Variants in ARHGEF17 observed in about 807,000 individuals in gnomAD.
The protein encoded by ARHGEF17 is 164 kDa Rho-specific guanine-nucleotide exchange factor.
A neutral mutation model predicts 174.0 loss-of-function variants in ARHGEF17; 80 were observed. The ratio of observed to expected loss-of-function variants is 0.46; its 90% confidence interval spans 0.38 to 0.55. The LOEUF is 0.55. ARHGEF17 is among the 20% of genes least tolerant of loss of function. The probability of loss-of-function intolerance (pLI) is 0.00; values close to 1 mark genes in which losing one functional copy is unlikely to be tolerated. For missense variants in ARHGEF17, 2,886 were observed against 2,839.7 expected, an observed-to-expected ratio of 1.02 and a Z score of -0.37; for synonymous variants, 1,311 against 1,189.1, an observed-to-expected ratio of 1.10 and a Z score of -2.11.
chr11:73,309,609 C>G lies in ARHGEF17; in HGVS notation c.971C>G (p.Ser324Cys). 3 of 1,613,056 alleles carry G rather than the reference C, an allele frequency of 1.9e-6. No homozygotes were observed. The East Asian group carries it at 6.7e-5, about 36-fold the overall frequency. Residue 324 changes from serine (S) to cysteine (C), a missense_variant, in exon 1 of 21, where the codon TCT becomes TGT. Around this residue, in one of 4 missense-constraint regions of ARHGEF17, gnomAD observed 1,728 missense variants for 1,461.2 expected, o/e 1.18. Transcript: ENST00000263674. ...AGCAGCATGAACTCAGCAGGGGTTT[C>G]TGGGAGCCCTGAGCCCCCAACATCT... ...NLSSMNSAGV[S>C]GSPEPPTSPR...
intron 1 of ARHGEF17, chr11:73,343,090 C>T (rs921826035): frequency 3.3e-6 from 1 of 299,032 alleles, no homozygotes; most frequent in South Asian, 1.6e-4. Context: ...CTGACCCCCG[C>T]CCCCCGCCCC....
chr11:73,345,206 G>C (rs1460496911), intron 1 of ARHGEF17, among the ~76,000 whole-genome samples: 1 of 152,136 alleles, frequency 6.6e-6, no homozygotes, highest in Non-Finnish European at 1.5e-5. Context: ...AGAGTACCGA[G>C]GATAGATGGT....
chr11:73,329,373 A>ATATATTTTTTTTTTT (rs1565193840), intron 1 of ARHGEF17, among the ~76,000 whole-genome samples: 1 of 13,170 alleles, frequency 7.6e-5, no homozygotes, highest in Non-Finnish European at 1.2e-4. Flanking sequence ...ATATATATAT[A>ATATATTTTTTTTTTT]TTTTTTTTTT....
chr11:73,343,027 G>T (rs1337062195), intron 1 of ARHGEF17: 5 of 266,698 alleles, frequency 1.9e-5, no homozygotes, highest in Admixed American at 5.5e-5. Flanking sequence ...CTGCCGCCGC[G>T]GCCGGGCTGA....
In ARHGEF17 at chr11:73,309,722, A is replaced by G; in HGVS notation, c.1084A>G (p.Met362Val). The G allele has an allele frequency of 6.2e-7, 1 of 1,612,926 alleles. No homozygotes were observed. The highest frequency in any genetic ancestry group is 8.5e-7 in the Non-Finnish European group (1 of 1,179,890). Residue 362 changes from methionine (M) to valine (V), a missense_variant, in exon 1 of 21, where the codon ATG becomes GTG. Met to Val is a conservative substitution (Grantham distance 21, BLOSUM62 1). Around this residue, in one of 4 missense-constraint regions of ARHGEF17, gnomAD observed 1,728 missense variants for 1,461.2 expected, o/e 1.18. Transcript: ENST00000263674. ...AGGTCCCCAGGAGGGACTTCGGCCT[A>G]TGTCTGACTCTGTGGGAGGAGCTTT... is the stretch of plus-strand genomic sequence containing the variant. ...VPGPQEGLRP[M>V]SDSVGGAFRV... is the part of the protein sequence containing the mutation.
rs368329636 is a variant in ARHGEF17 at position 73,309,963 on chromosome 11, C to T, written c.1325C>T (p.Thr442Ile). ...ARTRAKGPGG[T>I]SRALRDGGFE... ...ACCCGTGCCAAAGGACCTGGAGGCA[C>T]CTCTAGGGCATTGAGGGATGGAGGA... The change falls in exon 1 of 21, where the codon ACC becomes ATC. Residue 442 changes from threonine to isoleucine, a missense_variant. Thr to Ile is a moderately conservative substitution (Grantham distance 89). Around this residue, in one of 4 missense-constraint regions of ARHGEF17, gnomAD observed 1,728 missense variants for 1,461.2 expected, o/e 1.18. Coordinates refer to ENST00000263674, the MANE Select transcript of ARHGEF17 (RefSeq NM_014786.4). The T allele has an allele frequency of 5.0e-6, 8 of 1,613,936 alleles. No homozygotes were observed. The highest frequency in any genetic ancestry group is 6.8e-6 in the Non-Finnish European group (8 of 1,180,022).
chr11:73,342,290 G>A (rs1372363422), intron 1 of ARHGEF17, among the ~76,000 whole-genome samples: 3 of 152,060 alleles, frequency 2.0e-5, no homozygotes, highest in African/African-American at 4.8e-5. Context: ...AGCTGGATCC[G>A]GGCAGGGGTA....
intron 20 of ARHGEF17, 131 bp downstream of exon 20, chr11:73,366,078 G>A: frequency 8.3e-7 from 1 of 1,210,966 alleles, no homozygotes; most frequent in Non-Finnish European, 1.1e-6. Flanking sequence ...ATATGTGACA[G>A]GAAATACACC....
At chr11:73,353,847 C>T (rs1865594168) in intron 3 of ARHGEF17, among the ~76,000 whole-genome samples, 1 of 152,172 alleles carries the variant, frequency 6.6e-6, no homozygotes, top group Non-Finnish European at 1.5e-5. Context: ...CATAGCATGC[C>T]ATTTTCATTC....
rs752412639 is a variant in ARHGEF17 at position 73,362,509 on chromosome 11, G to A, written c.4771G>A (p.Ala1591Thr). The A allele has an allele frequency of 3.7e-5, 59 of 1,603,378 alleles. 1 individual carries two copies. In the Middle Eastern group the frequency reaches 1.9e-3, roughly 52 times the overall value. The change falls in exon 14 of 21, where the codon GCT (alanine) becomes ACT (threonine). Residue 1591 changes from alanine to threonine, a missense_variant. By Grantham distance (58) the Ala-to-Thr change is moderately conservative. Around this residue, in one of 4 missense-constraint regions of ARHGEF17, gnomAD observed 476 missense variants for 473.1 expected, o/e 1.01. Transcript: ENST00000263674. Reference protein sequence around the residue: ...PAGPELDVEAAADEEAATLAE... With the variant: ...PAGPELDVEATADEEAATLAE... Reference sequence around the variant, plus strand: ...CGGGCCGGAGCTGGACGTCGAGGCCGCTGCAGACGAGGAAGCCGCGACGCT... The same window carrying A: ...CGGGCCGGAGCTGGACGTCGAGGCCACTGCAGACGAGGAAGCCGCGACGCT...
intron 16 of ARHGEF17, 48 bp downstream of exon 16, chr11:73,363,881 C>A: frequency 1.3e-6 from 2 of 1,563,702 alleles, no homozygotes; most frequent in Non-Finnish European, 8.8e-7. Context: ...CTCAGCCACA[C>A]GTGCAGGCCT....
chr11:73,363,753 C>T lies in ARHGEF17; in HGVS notation c.5253C>T (p.His1751=), dbSNP rs200301384. 801 of 1,614,034 alleles carry T rather than the reference C, an allele frequency of 5.0e-4. 1 individual carries two copies. Among genetic ancestry groups the T allele is most frequent in the Non-Finnish European group, 6.2e-4 (731 of 1,180,014 alleles). ...VWLGTEDGCV[H]VYQSSDSIRD... ...TGCATACCCCGATCCACAGTGTCCACGTGTACCAGTCCTCCGACAGCATCC... is the reference window on the plus strand; with the variant it reads ...TGCATACCCCGATCCACAGTGTCCATGTGTACCAGTCCTCCGACAGCATCC... Residue 1751 remains histidine (H), a synonymous_variant, in exon 16 of 21, where the codon CAC becomes CAT. Coordinates refer to ENST00000263674, the MANE Select transcript of ARHGEF17 (RefSeq NM_014786.4).
chr11:73,343,616 G>A (rs917619035), intron 1 of ARHGEF17, among the ~76,000 whole-genome samples: 1 of 152,212 alleles, frequency 6.6e-6, no homozygotes, highest in Non-Finnish European at 1.5e-5. Flanking sequence ...GTATGTGTGT[G>A]CTGGAAAGTA....
intron 1 of ARHGEF17, among the ~76,000 whole-genome samples, chr11:73,328,916 A>G (rs1434475775): frequency 6.6e-6 from 1 of 152,104 alleles, no homozygotes; most frequent in East Asian, 1.9e-4. Flanking sequence ...AGAGAGAGTC[A>G]TGGAGGGAGC....
rs149334917 is a variant in ARHGEF17 at position 73,363,319 on chromosome 11, G to A, written c.5110G>A (p.Gly1704Ser). ...SGSFGPGGPC[G>S]TSPMDGRALR... is the part of the protein sequence containing the mutation. The stretch of plus-strand genomic sequence containing the variant: ...CTCCTTTGGGCCTGGTGGTCCCTGC[G>A]GCACCAGCCCAATGGATGGGAGAGC... The change falls in exon 15 of 21, where the codon GGC becomes AGC. Residue 1704 changes from glycine (G) to serine (S), a missense_variant. Gly to Ser is a moderately conservative substitution (Grantham distance 56, BLOSUM62 0). Coordinates refer to ENST00000263674, the MANE Select transcript of ARHGEF17 (RefSeq NM_014786.4). 2.1e-3 allele frequency: 3,434 copies of A among 1,612,720 alleles called. 2 individuals carry two copies. Among genetic ancestry groups the A allele is most frequent in the Non-Finnish European group, 2.7e-3 (3,211 of 1,179,756 alleles).
chr11:73,349,008 C>T (rs183361022), intron 2 of ARHGEF17, among the ~76,000 whole-genome samples: 1 of 152,240 alleles, frequency 6.6e-6, no homozygotes, highest in East Asian at 1.9e-4. Flanking sequence ...GAACCTAGAG[C>T]AGCAGGGAAC....
At position 73,355,520 on chromosome 11, in the gene ARHGEF17, T is replaced by G. The variant is rs780529438; in HGVS notation, c.3454-13T>G. Reference sequence around the variant, plus strand: ...ACACCTTGAGGGTCCCCAACCTGCCTCCTCCTCCACAGTTCTCCAAGGATG... The same window carrying G: ...ACACCTTGAGGGTCCCCAACCTGCCGCCTCCTCCACAGTTCTCCAAGGATG... On this transcript the variant is annotated splice_polypyrimidine_tract_variant and intron_variant, in intron 3 of 20. Coordinates refer to ENST00000263674, the MANE Select transcript of ARHGEF17 (RefSeq NM_014786.4). The G allele has an allele frequency of 2.8e-5, 45 of 1,602,614 alleles. No individual in the cohort carries two copies. Among genetic ancestry groups the G allele is most frequent in the Middle Eastern group, 1.6e-4 (1 of 6,062 alleles).
In ARHGEF17 at chr11:73,360,514, T is replaced by C. The variant is rs369674742; in HGVS notation, c.4401T>C (p.Asp1467=). The change falls in exon 11 of 21, where the codon GAT becomes GAC. Residue 1467 remains aspartate, a synonymous_variant. Transcript: ENST00000263674. The part of the protein sequence containing the change: ...DARLGFEQAF[D]EAKRKLASSK... Reference sequence around the variant, plus strand: ...GCCTTGGTTTTGAACAGGCCTTCGATGAGGCCAAGAGGAAGCTGGGTAAGC... The same window carrying C: ...GCCTTGGTTTTGAACAGGCCTTCGACGAGGCCAAGAGGAAGCTGGGTAAGC... 6.8e-6 allele frequency: 11 copies of C among 1,613,784 alleles called. No homozygotes were observed. The African/African-American group carries it at 1.5e-4, about 22-fold the overall frequency.
chr11:73,309,916 G>T lies in ARHGEF17; in HGVS notation c.1278G>T (p.Gly426=), dbSNP rs1864782099. ...CCCCTAGCTTTGGAGCTGGGGAAGGGCTCCTGCGGTCCCAGGCTCGAACCC... is the reference window on the plus strand; with the variant it reads ...CCCCTAGCTTTGGAGCTGGGGAAGGTCTCCTGCGGTCCCAGGCTCGAACCC... The part of the protein sequence containing the change: ...YRSPSFGAGE[G]LLRSQARTRA... Residue 426 remains glycine (G), a synonymous_variant, in exon 1 of 21, where the codon GGG becomes GGT. Coordinates refer to ENST00000263674, the MANE Select transcript of ARHGEF17 (RefSeq NM_014786.4). The T allele has an allele frequency of 1.9e-6, 3 of 1,613,164 alleles. No individual in the cohort carries two copies. The African/African-American group carries it at 4.0e-5, about 22-fold the overall frequency.
Sources: gnomAD v4.1 joint callset for allele counts (sites outside exome capture counted in the v4.1 genomes callset) on GRCh38, gnomAD v4.1.1 for gene constraint, gnomAD v4.1.1 regional missense constraint, MANE v1.5 for transcripts, NCBI Gene and HGNC (gene_info 2026-07-23, HGNC 2026-07-21) for gene names.